Variants in MAST2 observed in about 807,000 individuals in gnomAD.
MAST2 encodes the protein microtubule-associated serine/threonine-protein kinase 2.
MAST2 carries 70 observed loss-of-function variants against 147.4 expected under a neutral mutation model. The ratio of observed to expected loss-of-function variants is 0.47; its 90% CI spans 0.39 to 0.58. The LOEUF is 0.58. MAST2 is among the 20% of genes least tolerant of loss of function. The pLI is 0.00. For synonymous variants in MAST2, 869 were observed against 896.8 expected, an observed-to-expected ratio of 0.97 and a Z score of 0.55; for missense variants, 2,080 against 2,302.3, an observed-to-expected ratio of 0.90 and a Z score of 1.98.
chr1:46,005,054 A>G (rs1446176089), intron 7 of MAST2, among the ~76,000 whole-genome samples: 1 of 152,144 alleles, frequency 6.6e-6, no homozygotes, highest in African/African-American at 2.4e-5. Flanking sequence ...ACAACAGAAC[A>G]GAATCCTGTC....
chr1:45,974,750 G>A lies in MAST2; in HGVS notation c.592+15273G>A, dbSNP rs115503925. ...ATTTCCAGTAGTATGAAGAGCCAAA[G>A]TTAGTGATCATACACATAAAGTGAG... is the stretch of plus-strand genomic sequence containing the variant. On this transcript the variant is annotated intron_variant, in intron 5 of 28. Coordinates refer to ENST00000361297, the MANE Select transcript of MAST2 (RefSeq NM_015112.3). Among the ~76,000 whole-genome samples, 861 of 152,300 alleles carry A rather than the reference G, an allele frequency of 5.7e-3. 13 individuals carry two copies. The highest frequency in any genetic ancestry group is 0.02 in the African/African-American group (816 of 41,560).
intron 10 of MAST2, among the ~76,000 whole-genome samples, chr1:46,016,776 T>C (rs1327537245): frequency 2.6e-5 from 4 of 152,126 alleles, no homozygotes; most frequent in African/African-American, 9.7e-5. Flanking sequence ...TTCAACACCA[T>C]CCCCATCAAG....
intron 3 of MAST2, among the ~76,000 whole-genome samples, chr1:45,834,774 C>T (rs1010443199): frequency 3.3e-5 from 5 of 152,096 alleles, no homozygotes; most frequent in African/African-American, 4.8e-5. Context: ...GAGGTCAGTT[C>T]CTGCTTTGCT....
chr1:45,851,176 T>G (rs1436502887), intron 3 of MAST2, among the ~76,000 whole-genome samples: 1 of 152,200 alleles, frequency 6.6e-6, no homozygotes, highest in South Asian at 2.1e-4. Flanking sequence ...TTGAGATCTT[T>G]TACCTCCTTG....
intron 3 of MAST2, among the ~76,000 whole-genome samples, chr1:45,861,456 T>C (rs1171616192): frequency 6.6e-6 from 1 of 152,160 alleles, no homozygotes; most frequent in Non-Finnish European, 1.5e-5. Flanking sequence ...ATTTCCTTGC[T>C]CTGCTGATTT....
intron 3 of MAST2, among the ~76,000 whole-genome samples, chr1:45,830,738 G>T (rs778730339): frequency 1.6e-4 from 25 of 151,998 alleles, no homozygotes; most frequent in Non-Finnish European, 2.4e-4. Flanking sequence ...GTATAAGAAT[G>T]AGGGCCGGGT....
chr1:45,849,656 A>G (rs1645560653), intron 3 of MAST2, among the ~76,000 whole-genome samples: 1 of 151,966 alleles, frequency 6.6e-6, no homozygotes, highest in Non-Finnish European at 1.5e-5. Flanking sequence ...CCTCTGGAGT[A>G]GCTGGGACTA....
chr1:45,916,422 CTATT>C (rs753247466), intron 4 of MAST2, among the ~76,000 whole-genome samples: 11 of 152,050 alleles, frequency 7.2e-5, no homozygotes, highest in African/African-American at 1.2e-4. Context: ...AATTAGAAAT[CTATT>C]TATTACCTGT....
Position 45,947,239 on chromosome 1 carries a change from C to T in MAST2, c.501-12147C>T, listed in dbSNP as rs564718471. 7.3e-4 allele frequency among the ~76,000 whole-genome samples: 110 copies of T among 150,338 alleles called. No individual in the cohort carries two copies. In the South Asian group the frequency reaches 0.023, roughly 32 times the overall value. On this transcript the variant is annotated intron_variant, in intron 4 of 28. Coordinates refer to ENST00000361297, the MANE Select transcript of MAST2 (RefSeq NM_015112.3). ...TTTTACAAGCCAATCTTTTGGCTTC[C>T]CTCTGCCACATAGGAAGAATTGTCT...
intron 3 of MAST2, among the ~76,000 whole-genome samples, chr1:45,870,689 A>G (rs1405308729): frequency 6.6e-6 from 1 of 151,732 alleles, no homozygotes; most frequent in Non-Finnish European, 1.5e-5. Flanking sequence ...TGAGAGTGCC[A>G]GGTGGGTGAA....
At chr1:45,986,031 A>T (rs965317858) in intron 5 of MAST2, among the ~76,000 whole-genome samples, 2 of 152,204 alleles carry the variant, frequency 1.3e-5, no homozygotes. Flanking sequence ...ATGAAGAAAG[A>T]CAACTTGCCT....
chr1:45,879,532 C>T (rs1253932533), intron 3 of MAST2, among the ~76,000 whole-genome samples: 1 of 146,852 alleles, frequency 6.8e-6, no homozygotes, highest in African/African-American at 2.5e-5. Context: ...GAGATTGCAC[C>T]ACTGCGCTCC....
chr1:45,891,791 G>A (rs1263370679), intron 4 of MAST2, among the ~76,000 whole-genome samples: 1 of 152,056 alleles, frequency 6.6e-6, no homozygotes, highest in African/African-American at 2.4e-5. Context: ...TTATCATAAA[G>A]CCTTCTTAAA....
chr1:45,848,592 A>G (rs1180243917), intron 3 of MAST2, among the ~76,000 whole-genome samples: 2 of 152,180 alleles, frequency 1.3e-5, no homozygotes, highest in Non-Finnish European at 2.9e-5. Context: ...ACTTTGCCTC[A>G]TGCACCTTTT....
At chr1:45,930,426 G>GT (rs1430262543) in intron 4 of MAST2, among the ~76,000 whole-genome samples, 1 of 150,616 alleles carries the variant, frequency 6.6e-6, no homozygotes, top group Non-Finnish European at 1.5e-5. Context: ...GTTTTGTTTT[G>GT]TTTATCTTAT....
chr1:45,998,030 G>T (rs937820164), intron 6 of MAST2, among the ~76,000 whole-genome samples: 1 of 152,132 alleles, frequency 6.6e-6, no homozygotes, highest in East Asian at 1.9e-4. Context: ...AAACAGGAGA[G>T]TAGATATTAA....
chr1:45,914,083 G>A (rs114116933), intron 4 of MAST2, among the ~76,000 whole-genome samples: 1,977 of 152,338 alleles, frequency 0.013, 35 homozygotes, highest in African/African-American at 0.045. Context: ...AACTGAATTA[G>A]ATGTCATTTT....
chr1:46,024,242 C>T (rs78534315), intron 15 of MAST2: 29 of 456,534 alleles, frequency 6.4e-5, no homozygotes, highest in Middle Eastern at 6.4e-4. Context: ...AAAGCCTGCA[C>T]GCTCTCTACT....
chr1:46,001,160 G>C (rs1645259714), intron 6 of MAST2, among the ~76,000 whole-genome samples: 1 of 152,176 alleles, frequency 6.6e-6, no homozygotes, highest in Non-Finnish European at 1.5e-5. Context: ...CTACCTGCTG[G>C]AACCAAGGCT....
Sources: gnomAD v4.1 joint callset for allele counts (sites outside exome capture counted in the v4.1 genomes callset) on GRCh38, gnomAD v4.1.1 for gene constraint, MANE v1.5 for transcripts, NCBI Gene and HGNC (gene_info 2026-07-23, HGNC 2026-07-21) for gene names.